The following CCSER2 variants were observed in gnomAD, a reference collection of about 807,000 sequenced individuals.
CCSER2 encodes serine-rich coiled-coil domain-containing protein 2.
CCSER2 carries 46 observed loss-of-function variants against 92.3 expected under a neutral mutation model. That is an observed-to-expected ratio of 0.50 (90% CI 0.39 to 0.64). CCSER2 has a LOEUF of 0.64. Ranked by LOEUF, CCSER2 falls within the 30% of genes least tolerant of loss-of-function variation. The pLI is 0.00. For missense variants in CCSER2, 1,244 were observed against 1,238.9 expected, an observed-to-expected ratio of 1.00 and a Z score of -0.06; for synonymous variants, 433 against 431.4, an observed-to-expected ratio of 1.00 and a Z score of -0.04.
At position 84,513,802 on chromosome 10, in the gene CCSER2, G is replaced by T. The variant is rs949128368; in HGVS notation, c.2679G>T (p.Glu893Asp). ...FIPTSLQTPP[E>D]SSTVDQAKRV... ...CCACTTCTCTTCAGACACCTCCCGA[G>T]TCAAGTACAGTAGACCAGGCTAAGA... Residue 893 changes from glutamate (E) to aspartate (D), a missense_variant, in exon 10 of 10, where the codon GAG becomes GAT. Physicochemically the swap from Glu to Asp is conservative, Grantham distance 45. Coordinates refer to ENST00000372088, the MANE Select transcript of CCSER2 (RefSeq NM_001284240.2). 4 of 1,536,368 alleles carry T rather than the reference G, an allele frequency of 2.6e-6. No homozygotes were observed. The African/African-American group carries it at 4.1e-5, about 16-fold the overall frequency.
chr10:84,443,375 C>T (rs1485303509), intron 6 of CCSER2, among the ~76,000 whole-genome samples: 1 of 152,082 alleles, frequency 6.6e-6, no homozygotes, highest in Non-Finnish European at 1.5e-5. Context: ...AATTATGCAG[C>T]CAACAAACAT....
chr10:84,363,342 A>G (rs1284627930), intron 1 of CCSER2, among the ~76,000 whole-genome samples: 1 of 152,114 alleles, frequency 6.6e-6, no homozygotes, highest in Non-Finnish European at 1.5e-5. Context: ...TATGCCACAG[A>G]TGACAGCCAG....
chr10:84,330,267 C>G (rs1398289846), intron 1 of CCSER2, among the ~76,000 whole-genome samples: 2 of 152,352 alleles, frequency 1.3e-5, no homozygotes, highest in South Asian at 2.1e-4. Flanking sequence ...TGCCTGCCCT[C>G]TCTATATAAG....
At chr10:84,341,008 C>T (rs115582893) in intron 1 of CCSER2, among the ~76,000 whole-genome samples, 1,700 of 150,442 alleles carry the variant, frequency 0.011, 30 homozygotes, top group African/African-American at 0.039. Context: ...CAGTGTTTTT[C>T]CTACTCTCAT....
intron 9 of CCSER2, among the ~76,000 whole-genome samples, chr10:84,481,059 AGAAAG>A (rs1201196114): frequency 6.6e-6 from 1 of 152,224 alleles, no homozygotes; most frequent in Non-Finnish European, 1.5e-5. Context: ...AAGTATGACC[AGAAAG>A]TGGCTTGGTG....
intron 1 of CCSER2, among the ~76,000 whole-genome samples, chr10:84,370,747 C>T (rs1846017780): frequency 6.6e-6 from 1 of 152,038 alleles, no homozygotes; most frequent in African/African-American, 2.4e-5. Context: ...TTTACATAGT[C>T]AAATTTGGTG....
At chr10:84,456,046 C>T in intron 6 of CCSER2, 1 of 460,786 alleles carries the variant, frequency 2.2e-6, no homozygotes, top group Middle Eastern at 5.8e-4. Context: ...TGTAGCTCTT[C>T]CAAAGCCTAG....
rs747075612 is a variant in CCSER2, at chr10:84,372,480, C to T, written c.1417+11C>T. On this transcript the variant is annotated intron_variant, in intron 2 of 9. Coordinates refer to ENST00000372088, the MANE Select transcript of CCSER2 (RefSeq NM_001284240.2). The stretch of plus-strand genomic sequence containing the variant: ...ATATAAGTGTCTCTGGTAAATATTA[C>T]TTACCTTAAGTTTTTTTGCTTTCTT... 32 of 1,457,592 alleles carry T rather than the reference C, an allele frequency of 2.2e-5. No homozygotes were observed. Among genetic ancestry groups the T allele is most frequent in the Non-Finnish European group, 3.0e-5 (32 of 1,079,716 alleles). The allele number at this position is 1,457,592 out of a possible 1,614,324, so 90.3% of individuals were successfully genotyped here.
chr10:84,419,709 G>A (rs903910254), intron 4 of CCSER2, among the ~76,000 whole-genome samples: 1 of 152,132 alleles, frequency 6.6e-6, no homozygotes, highest in African/African-American at 2.4e-5. Context: ...AAAATCACAG[G>A]CAACACTGAG....
At chr10:84,358,184 T>G (rs1484495218) in intron 1 of CCSER2, among the ~76,000 whole-genome samples, 1 of 152,186 alleles carries the variant, frequency 6.6e-6, no homozygotes, top group African/African-American at 2.4e-5. Context: ...TAGTTGCCGT[T>G]GAGAAGCCAG....
chr10:84,448,031 A>G (rs1845036312), intron 6 of CCSER2, among the ~76,000 whole-genome samples: 1 of 151,888 alleles, frequency 6.6e-6, no homozygotes, highest in Admixed American at 6.6e-5. Flanking sequence ...CCCTTTTCTC[A>G]TACTACTCCA....
chr10:84,374,173 G>A (rs1846210414), intron 3 of CCSER2, among the ~76,000 whole-genome samples: 1 of 152,004 alleles, frequency 6.6e-6, no homozygotes, highest in African/African-American at 2.4e-5. Context: ...CATCTAGTGG[G>A]TAGATGCCAA....
chr10:84,451,266 T>TC (rs1403225268), intron 6 of CCSER2, among the ~76,000 whole-genome samples: 17 of 150,348 alleles, frequency 1.1e-4, no homozygotes, highest in Non-Finnish European at 2.1e-4. Context: ...TTTTTTTTTT[T>TC]GTTTTTTGTT....
At chr10:84,391,688 G>A (rs760664190) in intron 3 of CCSER2, 621 of 1,522,170 alleles carry the variant, frequency 4.1e-4, no homozygotes, top group Non-Finnish European at 5.3e-4. Context: ...AGAGAATACA[G>A]CAATAACGAT....
intron 3 of CCSER2, among the ~76,000 whole-genome samples, chr10:84,386,825 A>G (rs1167096771): frequency 6.6e-6 from 1 of 152,228 alleles, no homozygotes; most frequent in Non-Finnish European, 1.5e-5. Context: ...TAAGTATAAT[A>G]AGTCAGAAAC....
chr10:84,383,580 G>T (rs1412346379), intron 3 of CCSER2, among the ~76,000 whole-genome samples: 1 of 152,114 alleles, frequency 6.6e-6, no homozygotes, highest in Non-Finnish European at 1.5e-5. Context: ...AAAGTGCTGG[G>T]ATTACAAGCG....
At chr10:84,460,679 A>G (rs1296218203) in intron 6 of CCSER2, among the ~76,000 whole-genome samples, 3 of 151,600 alleles carry the variant, frequency 2.0e-5, no homozygotes, top group Admixed American at 2.0e-4. Context: ...CAGCTTATCT[A>G]TTTCATCTTA....
At chr10:84,381,917 CAAAAA>C (rs544545707) in intron 3 of CCSER2, among the ~76,000 whole-genome samples, 3 of 120,032 alleles carry the variant, frequency 2.5e-5, no homozygotes, top group Admixed American at 9.1e-5. Flanking sequence ...AAGGCTTTCT[CAAAAA>C]AAAAAAAAAA....
In CCSER2 at chr10:84,413,974, CT is replaced by C. The variant is rs1486726577; in HGVS notation, c.1615-3790del. On this transcript the variant is annotated intron_variant, in intron 3 of 9. Coordinates refer to ENST00000372088, the MANE Select transcript of CCSER2 (RefSeq NM_001284240.2). Reference sequence around the variant, plus strand: ...TCAGAAACCAGGATTGCAACCTCTGCTTTTTTTATGTTTTCCATTTGCTTGG... The same window carrying C: ...TCAGAAACCAGGATTGCAACCTCTGCTTTTTTATGTTTTCCATTTGCTTGG... 3.3e-5 allele frequency among the ~76,000 whole-genome samples: 5 copies of C among 152,216 alleles called. No individual in the cohort carries two copies. In the South Asian group the frequency reaches 8.3e-4, roughly 25 times the overall value.
Sources: allele counts gnomAD v4.1 joint callset (sites outside exome capture counted in the v4.1 genomes callset), GRCh38; gene constraint gnomAD v4.1.1; transcripts MANE v1.5; gene names NCBI Gene and HGNC (gene_info 2026-07-23, HGNC 2026-07-21).